PLXNA4: variants seen among roughly 807,000 people sequenced by gnomAD.
PLXNA4 encodes plexin-A4.
Under a neutral mutation model 191.8 loss-of-function variants are expected in PLXNA4, and 44 were observed. The ratio of observed to expected loss-of-function variants is 0.23; its 90% CI spans 0.18 to 0.29. The LOEUF (loss-of-function observed/expected upper bound fraction) is 0.29. Ranked by LOEUF, PLXNA4 falls within the 10% of genes least tolerant of loss-of-function variation. The probability of loss-of-function intolerance (pLI) is 1.00; values close to 1 mark genes in which losing one functional copy is unlikely to be tolerated. For missense variants in PLXNA4, 1,800 were observed against 2,488.8 expected, an observed-to-expected ratio of 0.72 and a Z score of 5.89; for synonymous variants, 1,082 against 1,009.5, an observed-to-expected ratio of 1.07 and a Z score of -1.36.
At chr7:132,198,787 A>G in intron 12 of PLXNA4, 151 bp from the exon 13 acceptor site, 1 of 1,195,418 alleles carries the variant, frequency 8.4e-7, no homozygotes, top group Admixed American at 2.8e-5. Flanking sequence ...GCCTGCGGTA[A>G]TCAATGGGTA....
chr7:132,338,297 C>G (rs77057099), intron 3 of PLXNA4, among the ~76,000 whole-genome samples: 2,112 of 152,344 alleles, frequency 0.014, 63 homozygotes, highest in African/African-American at 0.048. Context: ...TCCTCTCGGC[C>G]TCTAAATGCG....
At chr7:132,260,377 G>C (rs1799594189) in intron 4 of PLXNA4, among the ~76,000 whole-genome samples, 2 of 152,126 alleles carry the variant, frequency 1.3e-5, no homozygotes, top group Non-Finnish European at 2.9e-5. Flanking sequence ...GCAACTGGAG[G>C]CCGTTATCCT....
intron 3 of PLXNA4, among the ~76,000 whole-genome samples, chr7:132,471,980 T>C (rs1796952014): frequency 6.6e-6 from 1 of 152,194 alleles, no homozygotes; most frequent in Non-Finnish European, 1.5e-5. Flanking sequence ...CCTCATAAAC[T>C]TGTTTGATCA....
intron 5 of PLXNA4, among the ~76,000 whole-genome samples, chr7:132,237,172 T>A (rs1798729352): frequency 6.6e-6 from 1 of 152,180 alleles, no homozygotes; most frequent in Non-Finnish European, 1.5e-5. Context: ...GTACCTTTAT[T>A]AAAAATATCT....
At chr7:132,548,043 A>C (rs1800387281) in intron 1 of PLXNA4, among the ~76,000 whole-genome samples, 1 of 152,186 alleles carries the variant, frequency 6.6e-6, no homozygotes, top group Non-Finnish European at 1.5e-5. Flanking sequence ...ACCCAGCCAC[A>C]CAGAGCCCTT....
chr7:132,508,550 G>A lies in PLXNA4; in HGVS notation c.144C>T (p.Ala48=), dbSNP rs376606414. 8.7e-5 allele frequency: 140 copies of A among 1,614,040 alleles called. No homozygotes were observed. The highest frequency in any genetic ancestry group is 1.1e-4 in the Non-Finnish European group (134 of 1,180,036). ...RSFVTFRGEP[A]EGFNHLVVDE... ...CCACCACCAGGTGATTGAAACCCTC[G>A]GCGGGCTCTCCTCGGAATGTGACAA... The change falls in exon 2 of 32, where the codon GCC becomes GCT. Residue 48 remains alanine, a synonymous_variant. Transcript: ENST00000321063. The surrounding 1 kb of genome is among the most constrained non-coding windows in gnomAD (Gnocchi z 4.4).
At chr7:132,605,781 G>A (rs984743927) in intron 2 of PLXNA4, among the ~76,000 whole-genome samples, 3 of 152,122 alleles carry the variant, frequency 2.0e-5, no homozygotes, top group South Asian at 2.1e-4. Flanking sequence ...ATCCAATATG[G>A]TTAGTGTTCT....
At position 132,203,311 on chromosome 7, in the gene PLXNA4, G is replaced by A. The variant is rs1797505173; in HGVS notation, c.2395+12C>T. 1 of 1,395,048 alleles carries A rather than the reference G, an allele frequency of 7.2e-7. No individual in the cohort carries two copies. Among genetic ancestry groups the A allele is most frequent in the South Asian group, 1.5e-5 (1 of 65,452 alleles). 86.4% of individuals were successfully genotyped at this position (1,395,048 alleles called of 1,614,324 possible). A position where few individuals can be genotyped will look rare whatever the true frequency, so the allele number is the denominator to read the frequency against. ...CCCCTCCCTCCCCTGCTAGGCCCCAGCCCTTCCACACCTTTATTCTGAGCT... is the reference window on the plus strand; with the variant it reads ...CCCCTCCCTCCCCTGCTAGGCCCCAACCCTTCCACACCTTTATTCTGAGCT... On this transcript the variant is annotated intron_variant, in intron 11 of 31. Coordinates refer to ENST00000321063, the MANE Select transcript of PLXNA4 (RefSeq NM_020911.2).
chr7:132,514,362 T>G (rs1441480857), intron 1 of PLXNA4, among the ~76,000 whole-genome samples: 1 of 152,208 alleles, frequency 6.6e-6, no homozygotes. Context: ...GTGAGACTTT[T>G]GTTTTACCCA....
intron 4 of PLXNA4, among the ~76,000 whole-genome samples, chr7:132,257,678 C>T (rs1446132700): frequency 6.6e-6 from 1 of 152,212 alleles, no homozygotes; most frequent in African/African-American, 2.4e-5. Context: ...TTTAGGACAA[C>T]CTGACCTTCA....
chr7:132,504,104 C>A (rs2116212103), intron 2 of PLXNA4, among the ~76,000 whole-genome samples: 1 of 152,364 alleles, frequency 6.6e-6, no homozygotes, highest in South Asian at 2.1e-4. Context: ...TCCTGGCCAA[C>A]CAGCCCTCAT....
At chr7:132,420,513 C>T (rs1391053421) in intron 3 of PLXNA4, among the ~76,000 whole-genome samples, 2 of 152,238 alleles carry the variant, frequency 1.3e-5, no homozygotes, top group East Asian at 3.8e-4. Flanking sequence ...CCACCTGCCC[C>T]ACAGGTGCCT....
intron 2 of PLXNA4, among the ~76,000 whole-genome samples, chr7:132,494,049 T>C (rs1251212304): frequency 6.6e-6 from 1 of 152,208 alleles, no homozygotes; most frequent in Non-Finnish European, 1.5e-5. Context: ...CACTTAGTTC[T>C]ATGGGAGTGT....
chr7:132,497,351 C>T (rs533172372), intron 2 of PLXNA4, among the ~76,000 whole-genome samples: 30 of 152,276 alleles, frequency 2.0e-4, no homozygotes, highest in South Asian at 6.2e-4. Context: ...TCAAATATGA[C>T]GGCTGACCCC....
At chr7:132,164,047 G>A (rs1796024839) in intron 24 of PLXNA4, 95 bp downstream of exon 24, 2 of 1,548,570 alleles carry the variant, frequency 1.3e-6, no homozygotes, top group Non-Finnish European at 1.7e-6. Flanking sequence ...AGAGGCAGCT[G>A]TTCAGCCTTT....
intron 3 of PLXNA4, among the ~76,000 whole-genome samples, chr7:132,340,351 G>A (rs1343582660): frequency 2.0e-5 from 3 of 152,224 alleles, no homozygotes; most frequent in Non-Finnish European, 4.4e-5. Flanking sequence ...TGTGAAAAGA[G>A]CAGAGGGCAC....
rs533878133 is a variant in PLXNA4, at chr7:132,547,965, C to T, written c.-87+28457G>A. ...CAGAAAGCCTTCAGTGACGCACACA[C>T]AGGCCCTGGGGAGTCTGAACACGAG... is the stretch of plus-strand genomic sequence containing the variant. On this transcript the variant is annotated intron_variant, in intron 1 of 31. Transcript: ENST00000321063. Among the ~76,000 whole-genome samples, 50 of 152,332 alleles carry T rather than the reference C, an allele frequency of 3.3e-4. No homozygotes were observed. In the Middle Eastern group the frequency reaches 0.01, roughly 31 times the overall value.
chr7:132,512,493 G>A (rs1009795107), intron 1 of PLXNA4, among the ~76,000 whole-genome samples: 22 of 152,146 alleles, frequency 1.4e-4, no homozygotes, highest in Admixed American at 3.9e-4. Flanking sequence ...GAGGAGGGGG[G>A]CCCACAGAAA....
At chr7:132,334,139 G>T (rs1802712318) in intron 3 of PLXNA4, among the ~76,000 whole-genome samples, 1 of 152,106 alleles carries the variant, frequency 6.6e-6, no homozygotes, top group South Asian at 2.1e-4. Flanking sequence ...AAGCTGTAGG[G>T]AGGGGGAAAT....
Sources: gnomAD v4.1 joint callset for allele counts (sites outside exome capture counted in the v4.1 genomes callset) on GRCh38, gnomAD v4.1.1 for gene constraint, Gnocchi (gnomAD v3.1) non-coding constraint, MANE v1.5 for transcripts, NCBI Gene and HGNC (gene_info 2026-07-23, HGNC 2026-07-21) for gene names.